Variants in ADAMTSL3 observed in about 807,000 individuals in gnomAD.
ADAMTSL3 encodes ADAMTS-like protein 3.
ADAMTSL3 carries 128 observed loss-of-function variants against 201.7 expected under a neutral mutation model. The observed-to-expected ratio is 0.63, with a 90% confidence interval of 0.55 to 0.73. The LOEUF is 0.73. Ranked by LOEUF, ADAMTSL3 falls within the 30% of genes least tolerant of loss-of-function variation. ADAMTSL3 has a pLI of 0.00. For synonymous variants in ADAMTSL3, 738 were observed against 748.4 expected, an observed-to-expected ratio of 0.99 and a Z score of 0.23; for missense variants, 1,990 against 2,119.6, an observed-to-expected ratio of 0.94 and a Z score of 1.20.
chr15:84,002,581 TC>T (rs775488857), intron 23 of ADAMTSL3, among the ~76,000 whole-genome samples: 2 of 152,128 alleles, frequency 1.3e-5, no homozygotes, highest in Non-Finnish European at 2.9e-5. Context: ...GCACCTTTCT[TC>T]CATGCACCAT....
At chr15:83,703,834 A>G (rs1156878473) in intron 2 of ADAMTSL3, among the ~76,000 whole-genome samples, 6 of 152,180 alleles carry the variant, frequency 3.9e-5, no homozygotes, top group Non-Finnish European at 7.3e-5. Context: ...TTATGAAGAA[A>G]AAGTCTCAAA....
At chr15:83,969,149 TA>T (rs2067146181) in intron 19 of ADAMTSL3, among the ~76,000 whole-genome samples, 1 of 152,066 alleles carries the variant, frequency 6.6e-6, no homozygotes, top group Non-Finnish European at 1.5e-5. Context: ...ACTTAAAGTA[TA>T]ATAATTTTAA....
chr15:83,777,598 T>A, intron 4 of ADAMTSL3, among the ~76,000 whole-genome samples: 1 of 150,614 alleles, frequency 6.6e-6, no homozygotes. Context: ...AAAAATAGGA[T>A]AAAAGAAACA....
chr15:83,999,284 A>G (rs999869756), intron 23 of ADAMTSL3, among the ~76,000 whole-genome samples: 2 of 152,178 alleles, frequency 1.3e-5, no homozygotes, highest in Non-Finnish European at 2.9e-5. Flanking sequence ...AACCATTTGT[A>G]CTTCTTTACA....
intron 7 of ADAMTSL3, among the ~76,000 whole-genome samples, chr15:83,841,164 A>G (rs1256513685): frequency 6.6e-6 from 1 of 152,228 alleles, no homozygotes; most frequent in African/African-American, 2.4e-5. Context: ...CATTCTATCC[A>G]TTCTGCTATT....
At chr15:83,709,376 C>T (rs1426439152) in intron 3 of ADAMTSL3, among the ~76,000 whole-genome samples, 1 of 152,156 alleles carries the variant, frequency 6.6e-6, no homozygotes, top group Non-Finnish European at 1.5e-5. Context: ...TTTGGGACGA[C>T]TGGCTAAGAA....
At chr15:83,927,356 C>T (rs1049981002) in intron 17 of ADAMTSL3, among the ~76,000 whole-genome samples, 1 of 152,062 alleles carries the variant, frequency 6.6e-6, no homozygotes, top group East Asian at 1.9e-4. Context: ...TCGAGTGATC[C>T]GCCCACCTCA....
At chr15:83,688,785 C>CAT (rs1567073546) in intron 2 of ADAMTSL3, among the ~76,000 whole-genome samples, 5 of 144,152 alleles carry the variant, frequency 3.5e-5, no homozygotes. Context: ...CACACACATA[C>CAT]ACACACACAC....
chr15:83,819,219 C>G (rs538874308), intron 5 of ADAMTSL3, among the ~76,000 whole-genome samples: 4 of 146,162 alleles, frequency 2.7e-5, no homozygotes, highest in African/African-American at 1.0e-4. Context: ...TGCAGTGAGC[C>G]GAGCCACTGC....
chr15:83,912,677 C>A (rs375176313), intron 15 of ADAMTSL3, among the ~76,000 whole-genome samples: 2 of 152,208 alleles, frequency 1.3e-5, no homozygotes, highest in African/African-American at 4.8e-5. Context: ...TAATACTACT[C>A]TGCCCATTAC....
chr15:83,754,259 A>T (rs1364646749), intron 3 of ADAMTSL3, among the ~76,000 whole-genome samples: 1 of 152,180 alleles, frequency 6.6e-6, no homozygotes, highest in Non-Finnish European at 1.5e-5. Flanking sequence ...TTGTTGAAAT[A>T]TGTGAGGCTG....
At chr15:83,840,421 A>G (rs1426823560) in intron 7 of ADAMTSL3, among the ~76,000 whole-genome samples, 2 of 152,244 alleles carry the variant, frequency 1.3e-5, no homozygotes, top group African/African-American at 2.4e-5. Flanking sequence ...TGATAAGTGA[A>G]GAGAATGTAT....
Position 83,923,961 on chromosome 15 carries a change from A to G in ADAMTSL3, c.2045A>G (p.Asp682Gly). 6.2e-7 allele frequency: 1 copy of G among 1,614,170 alleles called. No homozygotes were observed. The highest frequency in any genetic ancestry group is 1.7e-5 in the Admixed American group (1 of 60,020). ...ATCCAGACCCAGCAGACAGTCAATG[A>G]CAGCTTGTGTGATATGGTCCACCGT... ...LHIQTQQTVN[D>G]SLCDMVHRPP... The change falls in exon 17 of 30, where the codon GAC becomes GGC. Residue 682 changes from aspartate (D) to glycine (G), a missense_variant. Coordinates refer to ENST00000286744, the MANE Select transcript of ADAMTSL3 (RefSeq NM_207517.3).
chr15:83,953,469 C>G (rs866655004), intron 19 of ADAMTSL3, among the ~76,000 whole-genome samples: 1 of 152,042 alleles, frequency 6.6e-6, no homozygotes, highest in African/African-American at 2.4e-5. Context: ...CTTTTTGTTT[C>G]TCTTTATGTT....
At chr15:83,725,646 A>G (rs1266620872) in intron 3 of ADAMTSL3, among the ~76,000 whole-genome samples, 5 of 152,170 alleles carry the variant, frequency 3.3e-5, no homozygotes, top group Non-Finnish European at 5.9e-5. Flanking sequence ...TCATTTGTTG[A>G]AGAGACTCTC....
At chr15:83,789,971 A>C (rs1054321180) in intron 4 of ADAMTSL3, among the ~76,000 whole-genome samples, 4 of 152,070 alleles carry the variant, frequency 2.6e-5, no homozygotes, top group Admixed American at 6.6e-5. Context: ...GCTTCTAGGA[A>C]TTCCCCACTG....
intron 3 of ADAMTSL3, among the ~76,000 whole-genome samples, chr15:83,724,213 C>T (rs926586709): frequency 1.1e-4 from 17 of 152,022 alleles, no homozygotes; most frequent in African/African-American, 4.1e-4. Context: ...ATTCTCCCGT[C>T]TCAGCCTCCC....
chr15:83,822,455 G>A (rs1423373957), intron 6 of ADAMTSL3, among the ~76,000 whole-genome samples: 131 of 139,388 alleles, frequency 9.4e-4, no homozygotes, highest in Middle Eastern at 4.1e-3. Flanking sequence ...GTTGCCAGGC[G>A]GAGGGTCTCC....
chr15:83,740,024 A>T, intron 3 of ADAMTSL3: 1 of 372,336 alleles, frequency 2.7e-6, no homozygotes, highest in South Asian at 2.6e-5. Context: ...GTTCACACTG[A>T]CACCTATTGT....
Sources: gnomAD v4.1 joint callset for allele counts (sites outside exome capture counted in the v4.1 genomes callset) on GRCh38, gnomAD v4.1.1 for gene constraint, MANE v1.5 for transcripts, NCBI Gene and HGNC (gene_info 2026-07-23, HGNC 2026-07-21) for gene names.